PRKD3: variants seen among roughly 807,000 people sequenced by gnomAD.
The protein encoded by PRKD3 is serine/threonine-protein kinase D3.
A neutral mutation model predicts 99.2 loss-of-function variants in PRKD3; 47 were observed. The ratio of observed to expected loss-of-function variants is 0.47; its 90% CI spans 0.38 to 0.60. The LOEUF (loss-of-function observed/expected upper bound fraction) is 0.60, where lower values mean the gene tolerates loss of function less well. PRKD3 is among the 20% of genes least tolerant of loss of function. The pLI is 0.00. For synonymous variants in PRKD3, 392 were observed against 355.4 expected (o/e 1.10, Z -1.16); for missense variants, 1,019 against 1,088.4 (o/e 0.94, Z 0.90).
chr2:37,279,613 A>G (rs1391263594), intron 8 of PRKD3, 133 bp downstream of exon 8: 4 of 572,414 alleles, frequency 7.0e-6, no homozygotes, highest in Non-Finnish European at 1.1e-5. Flanking sequence ...ATTGCATGTA[A>G]AAGAATTAGC....
rs749595786 is a variant in PRKD3 at position 37,272,365 on chromosome 2, A to G, written c.1704+15T>C. 3.7e-6 allele frequency: 6 copies of G among 1,603,056 alleles called. No homozygotes were observed. Among genetic ancestry groups the G allele is most frequent in the South Asian group, 2.3e-5 (2 of 88,024 alleles). On this transcript the variant is annotated intron_variant, in intron 12 of 18. Coordinates refer to ENST00000234179, the MANE Select transcript of PRKD3 (RefSeq NM_005813.6). ...TAATCACCCAGTTTACACATTAGCT[A>G]TAACGATTACTTACCACATTCTCCT...
In PRKD3 at chr2:37,253,421, GTTTT is replaced by G. The variant is rs138987723; in HGVS notation, c.2500-75_2500-72del. ...ACTGTCAACCTGGTTTTTGTTTTGT[GTTTT>G]TTTTTGTTGTTGTTTAGTGCCCTAG... On this transcript the variant is annotated intron_variant, in intron 18 of 18. Coordinates refer to ENST00000234179, the MANE Select transcript of PRKD3 (RefSeq NM_005813.6). 1.5e-5 allele frequency: 19 copies of G among 1,309,012 alleles called. No homozygotes were observed. The African/African-American group carries it at 2.0e-4, about 14-fold the overall frequency. 81.1% of individuals were successfully genotyped at this position (1,309,012 alleles called of 1,614,324 possible). A position where few individuals can be genotyped will look rare whatever the true frequency, so the allele number is the denominator to read the frequency against.
At chr2:37,282,710 A>G (rs1669908398) in intron 6 of PRKD3, 91 bp from the exon 7 acceptor site, 1 of 873,968 alleles carries the variant, frequency 1.1e-6, no homozygotes, top group Non-Finnish European at 1.9e-6. Flanking sequence ...CACAAACAGA[A>G]TATTATTAGT....
At chr2:37,300,064 G>A (rs535425810) in intron 2 of PRKD3, among the ~76,000 whole-genome samples, 3 of 152,246 alleles carry the variant, frequency 2.0e-5, no homozygotes, top group South Asian at 2.1e-4. Flanking sequence ...AAAGATATCC[G>A]CGATCCCATG....
intron 12 of PRKD3, 98 bp from the exon 13 acceptor site, chr2:37,269,785 G>A: frequency 1.2e-6 from 1 of 815,476 alleles, no homozygotes; most frequent in South Asian, 2.0e-5. Context: ...ACATTTTTAT[G>A]TTAGAAGCAG....
chr2:37,314,087 A>G (rs1023502162), intron 2 of PRKD3, among the ~76,000 whole-genome samples: 1 of 152,224 alleles, frequency 6.6e-6, no homozygotes, highest in African/African-American at 2.4e-5. Context: ...ATTGTAGTTG[A>G]GAGATTTCAA....
Position 37,279,920 on chromosome 2 carries a change from C to A in PRKD3, c.998G>T (p.Ser333Ile), listed in dbSNP as rs1669767586. Residue 333 changes from serine to isoleucine, a missense_variant, in exon 8 of 19, where the codon AGT becomes ATT. Physicochemically the swap from Ser to Ile is moderately radical, Grantham distance 142. Transcript: ENST00000234179. ...TGGTATATCTGTATCTGTTCCCAGA[C>A]TGGAAGGTTCTGGGAAAATTTTAAA... ...GEVTFNGEPS[S>I]LGTDTDIPMD... 6.3e-7 allele frequency: 1 copy of A among 1,596,474 alleles called. No individual in the cohort carries two copies. Among genetic ancestry groups the A allele is most frequent in the Non-Finnish European group, 8.5e-7 (1 of 1,172,218 alleles).
At chr2:37,315,753 G>T (rs1040771659) in intron 2 of PRKD3, among the ~76,000 whole-genome samples, 1 of 152,220 alleles carries the variant, frequency 6.6e-6, no homozygotes, top group Non-Finnish European at 1.5e-5. Context: ...GTCTCACTCT[G>T]TTGCCGTGCC....
intron 3 of PRKD3, among the ~76,000 whole-genome samples, chr2:37,291,784 G>T (rs1043206111): frequency 1.3e-5 from 2 of 152,196 alleles, no homozygotes; most frequent in African/African-American, 4.8e-5. Flanking sequence ...AAGGCTCAAA[G>T]GTGAATTTGA....
At chr2:37,311,838 TAAAC>T (rs1334908249) in intron 2 of PRKD3, among the ~76,000 whole-genome samples, 1 of 152,162 alleles carries the variant, frequency 6.6e-6, no homozygotes, top group Admixed American at 6.5e-5. Flanking sequence ...ATAGAACTCT[TAAAC>T]AGACTCCCAC....
At position 37,316,425 on chromosome 2, in the gene PRKD3, T is replaced by C. The variant is rs770483661; in HGVS notation, c.100A>G (p.Thr34Ala). The change falls in exon 2 of 19, where the codon ACG becomes GCG. Residue 34 changes from threonine (T) to alanine (A), a missense_variant. Transcript: ENST00000234179. Reference protein sequence around the residue: ...PAASPCSSPKTGLSARLSNGS... With the variant: ...PAASPCSSPKAGLSARLSNGS... Reference sequence around the variant, plus strand: ...TTAGAGAGTCGGGCAGAGAGTCCCGTCTTAGGACTTGAACACGGAGAAGCA... The same window carrying C: ...TTAGAGAGTCGGGCAGAGAGTCCCGCCTTAGGACTTGAACACGGAGAAGCA... The C allele has an allele frequency of 1.4e-5, 23 of 1,614,026 alleles. No individual in the cohort carries two copies. The highest frequency in any genetic ancestry group is 1.9e-5 in the Non-Finnish European group (22 of 1,180,032).
chr2:37,298,103 T>C (rs1278898872), intron 2 of PRKD3, among the ~76,000 whole-genome samples: 1 of 152,216 alleles, frequency 6.6e-6, no homozygotes, highest in African/African-American at 2.4e-5. Flanking sequence ...ATTTACTTTA[T>C]ACTTTCAGAT....
chr2:37,260,471 G>C, intron 14 of PRKD3, 87 bp from the exon 15 acceptor site: 1 of 1,229,060 alleles, frequency 8.1e-7, no homozygotes, highest in Non-Finnish European at 1.2e-6. Flanking sequence ...GTCTGAAATG[G>C]CACAGAAAGA....
chr2:37,253,012 G>C lies in PRKD3; in HGVS notation c.*165C>G, dbSNP rs1023715515. 2 of 579,412 alleles carry C rather than the reference G, an allele frequency of 3.5e-6. No individual in the cohort carries two copies. Among genetic ancestry groups the C allele is most frequent in the Non-Finnish European group, 5.3e-6 (2 of 375,128 alleles). The allele number at this position is 579,412 out of a possible 1,614,324, so 35.9% of individuals were successfully genotyped here. A position where few individuals can be genotyped will look rare whatever the true frequency, so the allele number is the denominator to read the frequency against. Reference sequence around the variant, plus strand: ...ATGACTTCTTATTATTCAGTTTCCCGCCTGTACCTACTCATTATGAACTAC... The same window carrying C: ...ATGACTTCTTATTATTCAGTTTCCCCCCTGTACCTACTCATTATGAACTAC... On this transcript the variant is annotated 3_prime_UTR_variant, in exon 19 of 19. Coordinates refer to ENST00000234179, the MANE Select transcript of PRKD3 (RefSeq NM_005813.6).
intron 14 of PRKD3, among the ~76,000 whole-genome samples, chr2:37,266,852 G>A (rs149576210): frequency 2.1e-3 from 315 of 152,124 alleles, no homozygotes; most frequent in African/African-American, 7.2e-3. Flanking sequence ...ACGTACATTT[G>A]CATATTATAA....
Position 37,282,618 on chromosome 2 carries a change from A to C in PRKD3, c.912T>G (p.Asp304Glu). The C allele has an allele frequency of 6.3e-7, 1 of 1,587,610 alleles. No individual in the cohort carries two copies. The highest frequency in any genetic ancestry group is 8.6e-7 in the Non-Finnish European group (1 of 1,156,088). ...AGCGTTTATGGCAGTTGAATTTGCA[A>C]TCTAAAATGAAAATATTCAGCATAT... ...GLFRQGMQCK[D>E]CKFNCHKRCA... The change falls in exon 7 of 19, where the codon GAT (aspartate) becomes GAG (glutamate). Residue 304 changes from aspartate to glutamate, a missense_variant and splice_region_variant. Asp to Glu is a conservative substitution (Grantham distance 45). This residue lies in a region of PRKD3 where 710 missense variants were observed against 692.7 expected (regional missense o/e 1.02). Coordinates refer to ENST00000234179, the MANE Select transcript of PRKD3 (RefSeq NM_005813.6).
At chr2:37,265,430 T>C (rs762546463) in intron 14 of PRKD3, among the ~76,000 whole-genome samples, 3 of 152,264 alleles carry the variant, frequency 2.0e-5, no homozygotes, top group Non-Finnish European at 4.4e-5. Flanking sequence ...TTCTAGAATA[T>C]CAATATTCTA....
Position 37,279,894 on chromosome 2 carries a change from T to C in PRKD3, c.1024A>G (p.Met342Val). The C allele has an allele frequency of 3.7e-6, 6 of 1,612,656 alleles. No homozygotes were observed. The highest frequency in any genetic ancestry group is 5.1e-6 in the Non-Finnish European group (6 of 1,179,172). Residue 342 changes from methionine (M) to valine (V), a missense_variant, in exon 8 of 19, where the codon ATG becomes GTG. By Grantham distance (21) the Met-to-Val change is conservative (BLOSUM62 1). Around this residue, in one of 3 missense-constraint regions of PRKD3, gnomAD observed 710 missense variants for 692.7 expected, o/e 1.02. Transcript: ENST00000234179. ...TTTATGTCATTATTGTCAATATCCA[T>C]TGGTATATCTGTATCTGTTCCCAGA... ...SSLGTDTDIPMDIDNNDINSD... is the reference protein window; with the variant it reads ...SSLGTDTDIPVDIDNNDINSD...
chr2:37,256,829 C>T lies in PRKD3; in HGVS notation c.2246G>A (p.Arg749Gln), dbSNP rs1440562217. 6 of 1,613,724 alleles carry T rather than the reference C, an allele frequency of 3.7e-6. No individual in the cohort carries two copies. Among genetic ancestry groups the T allele is most frequent in the East Asian group, 2.2e-5 (1 of 44,874 alleles). ...TPAYLAPEVLRSKGYNRSLDM... is the reference protein window; with the variant it reads ...TPAYLAPEVLQSKGYNRSLDM... ...TAGGGAACGGTTGTAACCTTTGCTC[C>T]GGAGAACTTCAGGGGCTAAGTATGC... The change falls in exon 17 of 19, where the codon CGG becomes CAG. Residue 749 changes from arginine to glutamine, a missense_variant. Around this residue, in one of 3 missense-constraint regions of PRKD3, gnomAD observed 184 missense variants for 275.1 expected, o/e 0.67. Coordinates refer to ENST00000234179, the MANE Select transcript of PRKD3 (RefSeq NM_005813.6).
Sources: gnomAD v4.1 joint callset for allele counts (sites outside exome capture counted in the v4.1 genomes callset) on GRCh38, gnomAD v4.1.1 for gene constraint, gnomAD v4.1.1 regional missense constraint, MANE v1.5 for transcripts, NCBI Gene and HGNC (gene_info 2026-07-23, HGNC 2026-07-21) for gene names.